FBN2: variants seen among roughly 807,000 people sequenced by gnomAD.
FBN2 encodes the protein fibrillin 2.
Under a neutral mutation model 355.6 loss-of-function variants are expected in FBN2, and 105 were observed. The ratio of observed to expected loss-of-function variants is 0.30; its 90% confidence interval spans 0.25 to 0.35. The LOEUF (loss-of-function observed/expected upper bound fraction) is 0.35, where lower values mean the gene tolerates loss of function less well. Ranked by LOEUF, FBN2 falls within the 10% of genes least tolerant of loss-of-function variation. FBN2 has a pLI of 1.00. For missense variants in FBN2, 3,280 were observed against 3,758.7 expected (o/e 0.87, Z 3.33); for synonymous variants, 1,350 against 1,301.2 (o/e 1.04, Z -0.81).
rs768786144 is a variant in FBN2 at position 128,310,127 on chromosome 5, T to A, written c.5075-19A>T. 1.3e-6 allele frequency: 2 copies of A among 1,593,362 alleles called. No homozygotes were observed. The highest frequency in any genetic ancestry group is 8.6e-7 in the Non-Finnish European group (1 of 1,162,512). The stretch of plus-strand genomic sequence containing the variant: ...TCAATATCTAGAGTAGGCAAGAATA[T>A]CTATTAATTAATAAATCTATTTTTT... On this transcript the variant is annotated intron_variant, in intron 39 of 64. Transcript: ENST00000262464.
intron 21 of FBN2, among the ~76,000 whole-genome samples, chr5:128,350,641 A>G (rs1233707019): frequency 6.6e-6 from 1 of 152,260 alleles, no homozygotes; most frequent in Non-Finnish European, 1.5e-5. Flanking sequence ...GATAGATTCT[A>G]GCTGATTCCC....
At chr5:128,517,977 C>T (rs1756326959) in intron 5 of FBN2, among the ~76,000 whole-genome samples, 1 of 151,858 alleles carries the variant, frequency 6.6e-6, no homozygotes, top group African/African-American at 2.4e-5. Flanking sequence ...TGGCTCGATG[C>T]TAGTTATTTA....
At chr5:128,278,228 C>A (rs1378904442) in intron 57 of FBN2, among the ~76,000 whole-genome samples, 1 of 152,044 alleles carries the variant, frequency 6.6e-6, no homozygotes, top group Non-Finnish European at 1.5e-5. Flanking sequence ...CTGGTGAAAG[C>A]CCTGTTTAAG....
At chr5:128,514,224 C>T (rs1272880614) in intron 5 of FBN2, among the ~76,000 whole-genome samples, 20 of 152,144 alleles carry the variant, frequency 1.3e-4, no homozygotes, top group Non-Finnish European at 4.4e-5. Flanking sequence ...GTTTAAATAA[C>T]ATTAGTATAA....
chr5:128,267,753 T>C (rs977250722), intron 62 of FBN2, among the ~76,000 whole-genome samples: 1 of 152,268 alleles, frequency 6.6e-6, no homozygotes, highest in African/African-American at 2.4e-5. Flanking sequence ...GCAAACATTT[T>C]CTTCCATTCT....
chr5:128,479,771 T>A (rs985675924), intron 5 of FBN2, among the ~76,000 whole-genome samples: 2 of 151,322 alleles, frequency 1.3e-5, no homozygotes, highest in Non-Finnish European at 2.9e-5. Context: ...TACAAAATAT[T>A]AAAAAATTAA....
intron 48 of FBN2, 62 bp downstream of exon 48, chr5:128,300,755 G>T: frequency 1.9e-6 from 3 of 1,564,212 alleles, no homozygotes; most frequent in Non-Finnish European, 1.8e-6. Context: ...TGTTTCCAGA[G>T]TCTTTACCAT....
At chr5:128,468,414 GAT>G (rs1188752693) in intron 5 of FBN2, among the ~76,000 whole-genome samples, 3 of 152,104 alleles carry the variant, frequency 2.0e-5, no homozygotes, top group Non-Finnish European at 4.4e-5. Flanking sequence ...TCTTTGTGTG[GAT>G]ATATGTTTTC....
At chr5:128,285,759 C>A (rs1434104061) in intron 55 of FBN2, among the ~76,000 whole-genome samples, 1 of 152,092 alleles carries the variant, frequency 6.6e-6, no homozygotes, top group African/African-American at 2.4e-5. Flanking sequence ...ACAGTGCTTA[C>A]TCCCTCTTTC....
intron 2 of FBN2, among the ~76,000 whole-genome samples, chr5:128,535,997 T>A (rs1293585250): frequency 1.3e-5 from 2 of 152,256 alleles, no homozygotes; most frequent in African/African-American, 4.8e-5. Flanking sequence ...TTGATCTTCA[T>A]AAGGCCCAAA....
chr5:128,291,571 G>T lies in FBN2; in HGVS notation c.6250C>A (p.Pro2084Thr). The part of the protein sequence containing the change: ...NTPGGFQCLC[P>T]PGFVLSDNGR... The stretch of plus-strand genomic sequence containing the variant: ...TTATCAGATAGTACAAAGCCAGGGG[G>T]GCAGAGGCACTGGAAGCCCCCTGGA... The change falls in exon 49 of 65, where the codon CCC (proline) becomes ACC (threonine). Residue 2084 changes from proline (P) to threonine (T), a missense_variant. By Grantham distance (38) the Pro-to-Thr change is conservative. Transcript: ENST00000262464. 6.2e-7 allele frequency: 1 copy of T among 1,613,906 alleles called. No individual in the cohort carries two copies. The highest frequency in any genetic ancestry group is 8.5e-7 in the Non-Finnish European group (1 of 1,179,886).
At chr5:128,374,514 G>A (rs757480814) in intron 15 of FBN2, 114 bp downstream of exon 15, 114 of 1,399,886 alleles carry the variant, frequency 8.1e-5, no homozygotes, top group African/African-American at 2.8e-4. Flanking sequence ...GTTTATCCAT[G>A]TTTTAGCATG....
intron 15 of FBN2, among the ~76,000 whole-genome samples, chr5:128,372,557 T>A (rs1751969947): frequency 6.6e-6 from 1 of 152,106 alleles, no homozygotes; most frequent in Non-Finnish European, 1.5e-5. Flanking sequence ...AGTGGTGCAA[T>A]CATAGCTCAC....
chr5:128,295,012 A>T (rs1357564592), intron 48 of FBN2, among the ~76,000 whole-genome samples: 2 of 150,958 alleles, frequency 1.3e-5, no homozygotes, highest in Non-Finnish European at 2.9e-5. Context: ...TGATTTTTGT[A>T]TAAGGTGTAA....
In FBN2 at chr5:128,318,193, C is replaced by T; in HGVS notation, c.4673G>A (p.Cys1558Tyr). ...VNTPGRYECN[C>Y]PPDFQLNPTG... The stretch of plus-strand genomic sequence containing the variant: ...TGGGTTCAACTGAAAATCGGGTGGG[C>T]AGTTACACTCATAGCGACCAGGCGT... The change falls in exon 36 of 65, where the codon TGC becomes TAC. Residue 1558 changes from cysteine to tyrosine, a missense_variant. This residue lies in a region of FBN2 where 2,284 missense variants were observed against 2,749.5 expected (regional missense o/e 0.83). Coordinates refer to ENST00000262464, the MANE Select transcript of FBN2 (RefSeq NM_001999.4). The T allele has an allele frequency of 6.2e-7, 1 of 1,614,042 alleles. No homozygotes were observed. The highest frequency in any genetic ancestry group is 1.1e-5 in the South Asian group (1 of 91,074).
chr5:128,280,809 G>A (rs1021254833), intron 55 of FBN2, among the ~76,000 whole-genome samples: 5 of 152,166 alleles, frequency 3.3e-5, no homozygotes, highest in African/African-American at 7.2e-5. Context: ...GTCTGTGAGG[G>A]TAGTTAATGG....
At chr5:128,340,949 G>A (rs552655835) in intron 25 of FBN2, among the ~76,000 whole-genome samples, 1 of 152,136 alleles carries the variant, frequency 6.6e-6, no homozygotes, top group African/African-American at 2.4e-5. Context: ...AGAATAGAGA[G>A]GCAAGAGATG....
intron 7 of FBN2, among the ~76,000 whole-genome samples, chr5:128,412,247 A>G (rs904305982): frequency 6.6e-6 from 1 of 152,186 alleles, no homozygotes; most frequent in South Asian, 2.1e-4. Flanking sequence ...TTTCTGTGAG[A>G]TATGTTCAAC....
intron 5 of FBN2, among the ~76,000 whole-genome samples, chr5:128,507,176 A>G (rs1755985701): frequency 6.6e-6 from 1 of 152,084 alleles, no homozygotes; most frequent in Admixed American, 6.5e-5. Context: ...GTTTGGTAGA[A>G]TTCACCAGTA....
Sources: gnomAD v4.1 joint callset for allele counts (sites outside exome capture counted in the v4.1 genomes callset) on GRCh38, gnomAD v4.1.1 for gene constraint, gnomAD v4.1.1 regional missense constraint, MANE v1.5 for transcripts, NCBI Gene and HGNC (gene_info 2026-07-23, HGNC 2026-07-21) for gene names.